The following SDK2 variants were observed in gnomAD, a reference collection of about 807,000 sequenced individuals.
SDK2 encodes sidekick cell adhesion molecule 2.
Under a neutral mutation model 253.9 loss-of-function variants are expected in SDK2, and 105 were observed. The observed-to-expected ratio is 0.41, with a 90% confidence interval of 0.35 to 0.49. The LOEUF is 0.49. Among genes scored for constraint, SDK2 ranks in the 20% least tolerant of loss-of-function variants. The pLI is 0.06. For missense variants in SDK2, 2,608 were observed against 3,003.0 expected, an observed-to-expected ratio of 0.87 and a Z score of 3.07; for synonymous variants, 1,249 against 1,234.9, an observed-to-expected ratio of 1.01 and a Z score of -0.24.
chr17:73,548,850 A>G (rs2088813821), intron 1 of SDK2, among the ~76,000 whole-genome samples: 1 of 152,210 alleles, frequency 6.6e-6, no homozygotes, highest in Admixed American at 6.5e-5. Flanking sequence ...GGCAGCTGGA[A>G]GGTGGCTTCC....
chr17:73,382,571 T>A (rs1005364034), intron 33 of SDK2, among the ~76,000 whole-genome samples: 1 of 152,276 alleles, frequency 6.6e-6, no homozygotes, highest in African/African-American at 2.4e-5. Flanking sequence ...TGCTACCTGC[T>A]GTGCTGTAAC....
rs537894049 is a variant in SDK2 at position 73,391,450 on chromosome 17, G to C, written c.3987C>G (p.Gly1329=). Residue 1329 remains glycine (G), a synonymous_variant, in exon 28 of 45, where the codon GGC becomes GGG. Transcript: ENST00000392650. ...AGGGCAAAGGCTTACCAAGAATGAT[G>C]CCATTGGGGGCGGCAGGGGGCTGCC... ...LIWQPPAAPN[G]IILAYQITHR... The C allele has an allele frequency of 2.3e-6, 3 of 1,309,326 alleles. No individual in the cohort carries two copies. In the East Asian group the frequency reaches 8.4e-5, roughly 37 times the overall value. The allele number at this position is 1,309,326 out of a possible 1,614,324, so 81.1% of individuals were successfully genotyped here. A position where few individuals can be genotyped will look rare whatever the true frequency, so the allele number is the denominator to read the frequency against.
Position 73,609,011 on chromosome 17 carries a change from G to A in SDK2, c.64+35014C>T, listed in dbSNP as rs77478755. ...TCTTCTATTGGCTTAGATGTGGGGT[G>A]TAAGAGAAAGAGTCAAGGGTTAGCC... is the stretch of plus-strand genomic sequence containing the variant. On this transcript the variant is annotated intron_variant, in intron 1 of 44. Coordinates refer to ENST00000392650, the MANE Select transcript of SDK2 (RefSeq NM_001144952.2). This position sits in a 1 kb window ranked among gnomAD's most constrained non-coding sequence, Gnocchi z 4.4. Among the ~76,000 whole-genome samples, 3,521 of 152,300 alleles carry A rather than the reference G, an allele frequency of 0.023. 101 individuals carry two copies. Among genetic ancestry groups the A allele is most frequent in the African/African-American group, 0.056 (2,317 of 41,554 alleles).
Position 73,435,735 on chromosome 17 carries a change from C to G in SDK2, c.1001-91G>C. On this transcript the variant is annotated intron_variant, in intron 8 of 44. Coordinates refer to ENST00000392650, the MANE Select transcript of SDK2 (RefSeq NM_001144952.2). The surrounding 1 kb of genome is among the most constrained non-coding windows in gnomAD (Gnocchi z 5.7). ...TTGGGAGGAGGCCGGGCCCGGAAAT[C>G]TGCGAGGGGGTCCCTGGTGAATCTT... 8.4e-7 allele frequency: 1 copy of G among 1,195,986 alleles called. No individual in the cohort carries two copies. The highest frequency in any genetic ancestry group is 1.1e-6 in the Non-Finnish European group (1 of 869,932). 74.1% of individuals were successfully genotyped at this position (1,195,986 alleles called of 1,614,324 possible). A position where few individuals can be genotyped will look rare whatever the true frequency, so the allele number is the denominator to read the frequency against.
chr17:73,620,621 CA>C (rs1431133789), intron 1 of SDK2, among the ~76,000 whole-genome samples: 1 of 152,096 alleles, frequency 6.6e-6, no homozygotes, highest in African/African-American at 2.4e-5. Context: ...GGAAATGGCA[CA>C]AAAGTCCATT....
chr17:73,458,388 A>C (rs1396007608), intron 3 of SDK2, among the ~76,000 whole-genome samples: 2 of 152,230 alleles, frequency 1.3e-5, no homozygotes, highest in Non-Finnish European at 2.9e-5. Flanking sequence ...CCCAGGGCAC[A>C]GAAAGGCCCG....
In SDK2 at chr17:73,643,792, G is replaced by T. The variant is rs1054218885; in HGVS notation, c.64+233C>A. Among the ~76,000 whole-genome samples the T allele has an allele frequency of 2.0e-5, 3 of 152,084 alleles. No homozygotes were observed. Among genetic ancestry groups the T allele is most frequent in the Admixed American group, 6.5e-5 (1 of 15,286 alleles). On this transcript the variant is annotated intron_variant, in intron 1 of 44. Coordinates refer to ENST00000392650, the MANE Select transcript of SDK2 (RefSeq NM_001144952.2). This position sits in a 1 kb window ranked among gnomAD's most constrained non-coding sequence, Gnocchi z 6.9. ...CCTTGGGCTCTTCTCTGCCTCCCCA[G>T]GTCGTCCCCACCTTCCCCCATTCGG...
chr17:73,460,415 G>A (rs1413939322), intron 3 of SDK2, among the ~76,000 whole-genome samples: 1 of 152,160 alleles, frequency 6.6e-6, no homozygotes, highest in Non-Finnish European at 1.5e-5. Flanking sequence ...GCTATTCTCT[G>A]TCCAGATTCT....
At chr17:73,434,379 C>A (rs903735841) in intron 9 of SDK2, among the ~76,000 whole-genome samples, 2 of 152,204 alleles carry the variant, frequency 1.3e-5, no homozygotes, top group African/African-American at 4.8e-5. Context: ...AAGGAGCTCG[C>A]CAGATGGGCG....
chr17:73,565,170 T>C (rs188223834), intron 1 of SDK2, among the ~76,000 whole-genome samples: 1 of 152,206 alleles, frequency 6.6e-6, no homozygotes, highest in African/African-American at 2.4e-5. Context: ...ACCGCAGCAG[T>C]TGGAAGTTGA....
chr17:73,608,086 G>A (rs2045929508), intron 1 of SDK2, among the ~76,000 whole-genome samples: 1 of 152,014 alleles, frequency 6.6e-6, no homozygotes, highest in South Asian at 2.1e-4. Flanking sequence ...GTCCCTTTCT[G>A]TTCCCGGATC....
chr17:73,374,772 T>A (rs2062763986), intron 36 of SDK2, among the ~76,000 whole-genome samples: 1 of 152,034 alleles, frequency 6.6e-6, no homozygotes, highest in Non-Finnish European at 1.5e-5. Context: ...CCAGCCTGAT[T>A]TGTTAGCAAA....
intron 1 of SDK2, among the ~76,000 whole-genome samples, chr17:73,581,953 G>A (rs1470039185): frequency 1.3e-5 from 2 of 152,222 alleles, no homozygotes; most frequent in Non-Finnish European, 2.9e-5. Context: ...AACTCTGTCT[G>A]GAGCCTGGGC....
intron 18 of SDK2, among the ~76,000 whole-genome samples, chr17:73,412,710 G>T (rs975718657): frequency 6.6e-6 from 1 of 152,148 alleles, no homozygotes. Flanking sequence ...GAGGTTGGGA[G>T]TCTGAGACCA....
At chr17:73,479,150 T>C (rs922957021) in intron 2 of SDK2, among the ~76,000 whole-genome samples, 3 of 152,258 alleles carry the variant, frequency 2.0e-5, no homozygotes, top group Non-Finnish European at 2.9e-5. Context: ...TGGGTCATCA[T>C]GTCCACTGGG....
Position 73,336,441 on chromosome 17 carries a change from C to T in SDK2, c.*2146G>A, listed in dbSNP as rs560335785. ...TTTGGGGAAGATTGTGCTTCCCTTC[C>T]CAGGCCTCCTTATTGGAGAAACCGC... is the stretch of plus-strand genomic sequence containing the variant. On this transcript the variant is annotated 3_prime_UTR_variant, in exon 45 of 45. Transcript: ENST00000392650. 6.6e-6 allele frequency: 1 copy of T among 152,436 alleles called. No individual in the cohort carries two copies. The highest frequency in any genetic ancestry group is 1.5e-5 in the Non-Finnish European group (1 of 68,070). 9.4% of individuals were successfully genotyped at this position (152,436 alleles called of 1,614,324 possible).
chr17:73,549,258 C>T (rs937315781), intron 1 of SDK2, among the ~76,000 whole-genome samples: 4 of 152,178 alleles, frequency 2.6e-5, no homozygotes, highest in African/African-American at 4.8e-5. Context: ...CAATTGCCTC[C>T]TCCTGGCAGC....
chr17:73,586,741 G>A (rs1441440911), intron 1 of SDK2, among the ~76,000 whole-genome samples: 2 of 152,184 alleles, frequency 1.3e-5, no homozygotes, highest in Non-Finnish European at 2.9e-5. Flanking sequence ...TAAGCCTGAA[G>A]GTCCAGCAGT....
intron 16 of SDK2, among the ~76,000 whole-genome samples, chr17:73,416,629 AC>A (rs1412988236): frequency 6.6e-6 from 1 of 151,976 alleles, no homozygotes; most frequent in African/African-American, 2.4e-5. Context: ...TCGCTCTTTC[AC>A]CCAGGCTGGA....
Sources: allele counts gnomAD v4.1 joint callset (sites outside exome capture counted in the v4.1 genomes callset), GRCh38; gene constraint gnomAD v4.1.1; non-coding constraint Gnocchi (gnomAD v3.1); transcripts MANE v1.5; gene names NCBI Gene and HGNC (gene_info 2026-07-23, HGNC 2026-07-21).